Variants in ANP32A observed in about 807,000 individuals in gnomAD.
The protein encoded by ANP32A is acidic nuclear phosphoprotein 32 family member A, also known as acidic leucine-rich nuclear phosphoprotein 32 family member A.
In ANP32A, 1 loss-of-function variant was observed where a neutral mutation model predicts 33.9. That is an observed-to-expected ratio of 0.03 (90% CI 0.01 to 0.14). The LOEUF (loss-of-function observed/expected upper bound fraction) is 0.14. Among genes scored for constraint, ANP32A ranks in the 10% least tolerant of loss-of-function variants. The pLI is 1.00. For missense variants in ANP32A, 155 were observed against 306.0 expected (o/e 0.51, Z 3.68); for synonymous variants, 115 against 120.5 (o/e 0.95, Z 0.30).
At chr15:68,793,478 T>G (rs1306464527) in intron 1 of ANP32A, among the ~76,000 whole-genome samples, 2 of 152,126 alleles carry the variant, frequency 1.3e-5, no homozygotes, top group Non-Finnish European at 2.9e-5. Flanking sequence ...CCTGCGACAC[T>G]GTTGGCTGAG....
intron 1 of ANP32A, chr15:68,818,279 C>T: frequency 3.7e-6 from 1 of 267,948 alleles, no homozygotes; most frequent in South Asian, 2.8e-5. Context: ...CGCGGCATGG[C>T]CACCAGCTCC....
At chr15:68,790,564 A>G (rs563858774) in intron 1 of ANP32A, 1 of 152,314 alleles carries the variant, frequency 6.6e-6, no homozygotes, top group East Asian at 1.9e-4. Flanking sequence ...TAATCGTCAT[A>G]TCTTTCTCAA....
At position 68,778,691 on chromosome 15, in the gene ANP32A, CT is replaced by C. The variant is rs560704269; in HGVS notation, c.*1389del. 23 of 152,226 alleles carry C rather than the reference CT, an allele frequency of 1.5e-4. No individual in the cohort carries two copies. Among genetic ancestry groups the C allele is most frequent in the African/African-American group, 5.1e-4 (21 of 41,540 alleles). The allele number at this position is 152,226 out of a possible 1,614,324, so 9.4% of individuals were successfully genotyped here. A position where few individuals can be genotyped will look rare whatever the true frequency, so the allele number is the denominator to read the frequency against. On this transcript the variant is annotated 3_prime_UTR_variant, in exon 7 of 7. Coordinates refer to ENST00000465139, the MANE Select transcript of ANP32A (RefSeq NM_006305.4). ...ACTTGTTTTTTTAGTAACTCTGTAA[CT>C]TTTTTAAAGGAAGCTTTTAATGAAG...
chr15:68,791,857 A>T (rs1894001900), intron 1 of ANP32A: 1 of 152,744 alleles, frequency 6.5e-6, no homozygotes, highest in African/African-American at 2.4e-5. Context: ...GAGGGGTCCC[A>T]GTGAGAGCAG....
At chr15:68,815,480 G>A (rs1359754705) in intron 1 of ANP32A, among the ~76,000 whole-genome samples, 1 of 152,072 alleles carries the variant, frequency 6.6e-6, no homozygotes, top group Non-Finnish European at 1.5e-5. Context: ...AACATTTCAA[G>A]TCATTGGGAT....
At chr15:68,793,471 G>A (rs1270386018) in intron 1 of ANP32A, among the ~76,000 whole-genome samples, 2 of 152,150 alleles carry the variant, frequency 1.3e-5, no homozygotes, top group Non-Finnish European at 2.9e-5. Flanking sequence ...GGGCACACCT[G>A]CGACACTGTT....
chr15:68,794,592 T>C (rs555237079), intron 1 of ANP32A, among the ~76,000 whole-genome samples: 3 of 152,348 alleles, frequency 2.0e-5, no homozygotes, highest in East Asian at 1.9e-4. Context: ...CCATCCCCTG[T>C]TGCAGATCCC....
Position 68,816,123 on chromosome 15 carries a change from C to A in ANP32A, c.54+4575G>T, listed in dbSNP as rs137975235. Among the ~76,000 whole-genome samples, 12 of 152,266 alleles carry A rather than the reference C, an allele frequency of 7.9e-5. No individual in the cohort carries two copies. The East Asian group carries it at 2.3e-3, about 29-fold the overall frequency. On this transcript the variant is annotated intron_variant, in intron 1 of 6. Coordinates refer to ENST00000465139, the MANE Select transcript of ANP32A (RefSeq NM_006305.4). ...CAGCCCCTGGTCCTGAACCTCCTGG[C>A]CCTCTAATATCTCCAACCAGGATGC...
chr15:68,803,797 A>AG (rs1894171737), intron 1 of ANP32A, among the ~76,000 whole-genome samples: 2 of 120,048 alleles, frequency 1.7e-5, no homozygotes, highest in Non-Finnish European at 3.4e-5. Flanking sequence ...TATTTCACAA[A>AG]CTTTTTTTTT....
At chr15:68,812,619 A>G (rs1032088207) in intron 1 of ANP32A, among the ~76,000 whole-genome samples, 2 of 152,208 alleles carry the variant, frequency 1.3e-5, no homozygotes, top group African/African-American at 4.8e-5. Context: ...ACAAAACTAC[A>G]AGTATTGAGT....
intron 1 of ANP32A, among the ~76,000 whole-genome samples, chr15:68,806,294 C>T (rs1349040770): frequency 6.6e-6 from 1 of 152,184 alleles, no homozygotes; most frequent in African/African-American, 2.4e-5. Context: ...TCTATGGCCA[C>T]TGGTCAATCT....
In ANP32A at chr15:68,807,431, G is replaced by A. The variant is rs527376429; in HGVS notation, c.54+13267C>T. ...CCGCCCCACCTCCACAGAAAACGGG[G>A]GGGGGGGAGTCTCTCCTTTGCCCAG... On this transcript the variant is annotated intron_variant, in intron 1 of 6. Coordinates refer to ENST00000465139, the MANE Select transcript of ANP32A (RefSeq NM_006305.4). 3.3e-4 allele frequency among the ~76,000 whole-genome samples: 47 copies of A among 141,738 alleles called. 1 individual carries two copies. The highest frequency in any genetic ancestry group is 1.3e-3 in the African/African-American group (46 of 36,722). The allele number at this position is 141,738 out of a possible 152,430, so 93.0% of individuals were successfully genotyped here.
intron 5 of ANP32A, 130 bp downstream of exon 5, chr15:68,782,826 C>A: frequency 1.4e-6 from 2 of 1,442,302 alleles, no homozygotes; most frequent in Non-Finnish European, 1.8e-6. Flanking sequence ...GAAATGGACT[C>A]ACTTCACTAC....
At chr15:68,805,377 T>A (rs758791037) in intron 1 of ANP32A, among the ~76,000 whole-genome samples, 1 of 152,204 alleles carries the variant, frequency 6.6e-6, no homozygotes, top group Non-Finnish European at 1.5e-5. Flanking sequence ...GTCACAAATG[T>A]GTTTAAAATT....
chr15:68,786,281 A>T (rs1893932641), intron 3 of ANP32A, among the ~76,000 whole-genome samples: 1 of 115,964 alleles, frequency 8.6e-6, no homozygotes, highest in African/African-American at 3.4e-5. Flanking sequence ...TTTTTTGGAG[A>T]CAGAGTCTCA....
chr15:68,787,587 A>G lies in ANP32A; in HGVS notation c.205-52T>C, dbSNP rs541736123. ...AGAAACAGCTTTTAAAATGAAGGCT[A>G]CCGGCTCAGAGCTGCCCGGCTTTCC... is the stretch of plus-strand genomic sequence containing the variant. On this transcript the variant is annotated intron_variant, in intron 2 of 6. Transcript: ENST00000465139. 2.5e-6 allele frequency: 4 copies of G among 1,613,434 alleles called. No individual in the cohort carries two copies. In the South Asian group the frequency reaches 3.3e-5, roughly 13 times the overall value.
intron 5 of ANP32A, chr15:68,781,028 A>AC (rs968616746): frequency 3.9e-5 from 6 of 153,352 alleles, no homozygotes; most frequent in African/African-American, 1.5e-4. Flanking sequence ...TAAATTCAAG[A>AC]CCCCCTGAGG....
chr15:68,798,288 G>A (rs1027791040), intron 1 of ANP32A, among the ~76,000 whole-genome samples: 1 of 152,152 alleles, frequency 6.6e-6, no homozygotes, highest in Non-Finnish European at 1.5e-5. Flanking sequence ...AGAGACCCAG[G>A]AGCTGGCAAT....
chr15:68,814,682 C>T (rs981131252), intron 1 of ANP32A, among the ~76,000 whole-genome samples: 3 of 152,142 alleles, frequency 2.0e-5, no homozygotes, highest in Admixed American at 2.0e-4. Context: ...AGGCACAAGA[C>T]GCTAGAGGGA....
Sources: allele counts gnomAD v4.1 joint callset (sites outside exome capture counted in the v4.1 genomes callset), GRCh38; gene constraint gnomAD v4.1.1; transcripts MANE v1.5; gene names NCBI Gene and HGNC (gene_info 2026-07-23, HGNC 2026-07-21).